The following GNAQ variants were observed in gnomAD, a reference collection of about 807,000 sequenced individuals.
GNAQ encodes the protein G protein subunit alpha q, also known as guanine nucleotide-binding protein G(q) subunit alpha.
A neutral mutation model predicts 43.9 loss-of-function variants in GNAQ; 8 were observed. The ratio of observed to expected loss-of-function variants is 0.18; its 90% CI spans 0.11 to 0.33. The LOEUF (loss-of-function observed/expected upper bound fraction) is 0.33, where lower values mean the gene tolerates loss of function less well. Ranked by LOEUF, GNAQ falls within the 10% of genes least tolerant of loss-of-function variation. The pLI is 1.00. For synonymous variants in GNAQ, 155 were observed against 170.7 expected (o/e 0.91, Z 0.71); for missense variants, 158 against 450.8 (o/e 0.35, Z 5.88).
At chr9:77,992,951 T>C (rs1480451706) in intron 1 of GNAQ, among the ~76,000 whole-genome samples, 2 of 151,984 alleles carry the variant, frequency 1.3e-5, no homozygotes, top group Non-Finnish European at 2.9e-5. Context: ...ATCTCAAAAA[T>C]AAAAAAGGAA....
intron 2 of GNAQ, among the ~76,000 whole-genome samples, chr9:77,869,613 T>A (rs1364071271): frequency 6.6e-6 from 1 of 152,214 alleles, no homozygotes; most frequent in Admixed American, 6.5e-5. Flanking sequence ...CTAGAAAAAT[T>A]CGTAGCTAGT....
intron 2 of GNAQ, among the ~76,000 whole-genome samples, chr9:77,889,788 G>A (rs1828371547): frequency 6.6e-6 from 1 of 152,084 alleles, no homozygotes; most frequent in Non-Finnish European, 1.5e-5. Flanking sequence ...CTAACCAAAT[G>A]CACAACTATC....
At chr9:77,944,657 G>GC (rs971287921) in intron 1 of GNAQ, among the ~76,000 whole-genome samples, 1 of 152,130 alleles carries the variant, frequency 6.6e-6, no homozygotes, top group African/African-American at 2.4e-5. Flanking sequence ...TCATTGTAAC[G>GC]CAAGAGAAAT....
At chr9:77,785,655 A>G (rs1826465254) in intron 5 of GNAQ, among the ~76,000 whole-genome samples, 1 of 152,240 alleles carries the variant, frequency 6.6e-6, no homozygotes, top group Admixed American at 6.5e-5. Context: ...CAATAAAAAC[A>G]TTATTAAAAA....
At chr9:77,915,631 A>C (rs1828888620) in intron 2 of GNAQ, among the ~76,000 whole-genome samples, 3 of 148,526 alleles carry the variant, frequency 2.0e-5, no homozygotes, top group Non-Finnish European at 4.5e-5. Flanking sequence ...GAGTTAAAAC[A>C]ATTGAAGCTG....
intron 5 of GNAQ, among the ~76,000 whole-genome samples, chr9:77,752,192 T>C (rs2118296171): frequency 6.6e-6 from 1 of 152,308 alleles, no homozygotes. Flanking sequence ...AAAATAAACA[T>C]GGTGTAGAGA....
chr9:77,739,038 C>G (rs1825613296), intron 5 of GNAQ, among the ~76,000 whole-genome samples: 1 of 152,118 alleles, frequency 6.6e-6, no homozygotes, highest in South Asian at 2.1e-4. Flanking sequence ...CCTATGAAAG[C>G]ATATTGCAAA....
intron 5 of GNAQ, among the ~76,000 whole-genome samples, chr9:77,745,731 A>T (rs182806931): frequency 6.5e-4 from 98 of 151,842 alleles, no homozygotes; most frequent in African/African-American, 2.1e-3. Context: ...AAAAAATTTT[A>T]AAAAATATTT....
At chr9:77,945,356 G>A (rs1822875805) in intron 1 of GNAQ, among the ~76,000 whole-genome samples, 3 of 152,122 alleles carry the variant, frequency 2.0e-5, no homozygotes, top group South Asian at 2.1e-4. Flanking sequence ...AAAAGAGAGA[G>A]AGAGATTTCT....
intron 5 of GNAQ, among the ~76,000 whole-genome samples, chr9:77,748,839 G>C (rs753564216): frequency 5.9e-5 from 9 of 152,166 alleles, no homozygotes; most frequent in Non-Finnish European, 1.0e-4. Flanking sequence ...AGTGAGGTAT[G>C]ATCCAGGTAC....
intron 2 of GNAQ, among the ~76,000 whole-genome samples, chr9:77,890,254 C>A (rs1310507455): frequency 6.6e-6 from 1 of 152,152 alleles, no homozygotes; most frequent in Non-Finnish European, 1.5e-5. Context: ...TTCTTCCAGA[C>A]CCCTAAAAAA....
chr9:77,759,975 G>T lies in GNAQ; in HGVS notation c.736-31308C>A, dbSNP rs1291876959. On this transcript the variant is annotated intron_variant, in intron 5 of 6. Coordinates refer to ENST00000286548, the MANE Select transcript of GNAQ (RefSeq NM_002072.5). ...GGGTTTTGCTATGTTGCCCAGGCTG[G>T]TCTCAAACCCCTGGGCACAAAGTGA... Among the ~76,000 whole-genome samples, 3 of 145,102 alleles carry T rather than the reference G, an allele frequency of 2.1e-5. No homozygotes were observed. In the Admixed American group the frequency reaches 2.1e-4, roughly 10 times the overall value.
In GNAQ at chr9:77,943,630, A is replaced by T. The variant is rs1829345052; in HGVS notation, c.137-21285T>A. Among the ~76,000 whole-genome samples, 6 of 151,984 alleles carry T rather than the reference A, an allele frequency of 3.9e-5. No individual in the cohort carries two copies. The South Asian group carries it at 1.0e-3, about 26-fold the overall frequency. ...TCTACTACACAAATTGGAAAAAAAAATAAAGTACCTTTATCCTGGAAGTAA... is the reference window on the plus strand; with the variant it reads ...TCTACTACACAAATTGGAAAAAAAATTAAAGTACCTTTATCCTGGAAGTAA... On this transcript the variant is annotated intron_variant, in intron 1 of 6. Coordinates refer to ENST00000286548, the MANE Select transcript of GNAQ (RefSeq NM_002072.5).
In GNAQ at chr9:77,869,511, G is replaced by A. The variant is rs185695719; in HGVS notation, c.321+52650C>T. ...CCTTCTTGGGATAATTTAGTTACCAGAATTGGTAAACAACCATATTTGCTA... is the reference window on the plus strand; with the variant it reads ...CCTTCTTGGGATAATTTAGTTACCAAAATTGGTAAACAACCATATTTGCTA... On this transcript the variant is annotated intron_variant, in intron 2 of 6. Transcript: ENST00000286548. Among the ~76,000 whole-genome samples, 191 of 152,280 alleles carry A rather than the reference G, an allele frequency of 1.3e-3. 1 individual carries two copies. Among genetic ancestry groups the A allele is most frequent in the Non-Finnish European group, 2.2e-3 (150 of 68,030 alleles).
At chr9:78,020,342 G>T (rs1005986385) in intron 1 of GNAQ, among the ~76,000 whole-genome samples, 73 of 152,076 alleles carry the variant, frequency 4.8e-4, no homozygotes, top group African/African-American at 1.7e-3. Flanking sequence ...AAACATGGAG[G>T]AAACATGTTG....
chr9:78,030,887 CTGTGTGTGTGTG>C (rs35071779), intron 1 of GNAQ, among the ~76,000 whole-genome samples: 29 of 146,156 alleles, frequency 2.0e-4, no homozygotes, highest in South Asian at 6.4e-4. Flanking sequence ...GTGTGTGTCG[CTGTGTGTGTGTG>C]TGTGTGTGTG....
intron 4 of GNAQ, among the ~76,000 whole-genome samples, chr9:77,795,664 T>G (rs750461356): frequency 9.2e-5 from 14 of 152,146 alleles, no homozygotes; most frequent in Non-Finnish European, 1.6e-4. Context: ...TTCAGGGAGA[T>G]CCACGTACTA....
At chr9:77,913,301 T>TAC (rs1373316579) in intron 2 of GNAQ, among the ~76,000 whole-genome samples, 2 of 149,630 alleles carry the variant, frequency 1.3e-5, no homozygotes, top group Admixed American at 1.3e-4. Flanking sequence ...TAATTATATA[T>TAC]ATATAATTAT....
chr9:77,724,212 A>G (rs1825362985), intron 6 of GNAQ, among the ~76,000 whole-genome samples: 1 of 151,998 alleles, frequency 6.6e-6, no homozygotes, highest in Admixed American at 6.6e-5. Context: ...TTTCCTTGAG[A>G]CAGAGTTTCA....
Sources: gnomAD v4.1 joint callset for allele counts (sites outside exome capture counted in the v4.1 genomes callset) on GRCh38, gnomAD v4.1.1 for gene constraint, MANE v1.5 for transcripts, NCBI Gene and HGNC (gene_info 2026-07-23, HGNC 2026-07-21) for gene names.